The following KLRG1 variants were observed in gnomAD, a reference collection of about 807,000 sequenced individuals.
The protein encoded by KLRG1 is killer cell lectin-like receptor subfamily G member 1.
Under a neutral mutation model 21.8 loss-of-function variants are expected in KLRG1, and 16 were observed. That is an observed-to-expected ratio of 0.73 (90% confidence interval 0.50 to 1.11). The LOEUF is 1.11. KLRG1 is among the 50% of genes most tolerant of loss of function. KLRG1 has a pLI of 0.00. For synonymous variants in KLRG1, 69 were observed against 75.9 expected, an observed-to-expected ratio of 0.91 and a Z score of 0.47; for missense variants, 173 against 218.3, an observed-to-expected ratio of 0.79 and a Z score of 1.31.
chr12:9,137,715 C>T, the KLRG1 span, among the ~76,000 whole-genome samples: 1 of 151,906 alleles, frequency 6.6e-6, no homozygotes, highest in Non-Finnish European at 1.5e-5. Flanking sequence ...GTTTTTGTTT[C>T]CAGACACAGG....
chr12:9,149,430 T>G, the KLRG1 span: 5 of 863,376 alleles, frequency 5.8e-6, no homozygotes, highest in African/African-American at 1.7e-5. Flanking sequence ...CACAGTTTTG[T>G]CTTGGTGTGA....
At chr12:9,128,061 C>A in the KLRG1 span, 10 of 217,598 alleles carry the variant, frequency 4.6e-5, no homozygotes, top group Non-Finnish European at 9.6e-5. Flanking sequence ...CTGCGCAGGG[C>A]GCCCGATGAG....
At chr12:9,163,684 T>G in the KLRG1 span, 1 of 1,613,820 alleles carries the variant, frequency 6.2e-7, no homozygotes, top group African/African-American at 1.3e-5. Flanking sequence ...CAACAGGGTT[T>G]TGATGACTGT....
At chr12:9,002,835 G>A (rs1347091807) in intron 3 of KLRG1, among the ~76,000 whole-genome samples, 1 of 151,482 alleles carries the variant, frequency 6.6e-6, no homozygotes, top group Non-Finnish European at 1.5e-5. Flanking sequence ...TCAAAGTGCT[G>A]GAAGTACAGA....
the KLRG1 span, among the ~76,000 whole-genome samples, chr12:9,025,052 A>G: frequency 6.6e-6 from 1 of 152,212 alleles, no homozygotes. Flanking sequence ...TTGTAAAGTA[A>G]CATAATGAGA....
chr12:8,958,302 A>AT (rs1427707908), intron 1 of KLRG1, among the ~76,000 whole-genome samples: 3 of 137,046 alleles, frequency 2.2e-5, no homozygotes, highest in Non-Finnish European at 5.0e-5. Context: ...TTGTTTGACT[A>AT]TTTTTCCTCT....
At chr12:8,974,640 T>C (rs1381266836) in intron 1 of KLRG1, among the ~76,000 whole-genome samples, 1 of 152,232 alleles carries the variant, frequency 6.6e-6, no homozygotes, top group African/African-American at 2.4e-5. Flanking sequence ...AAAAGAGTTT[T>C]TTCATTATGT....
At chr12:9,088,857 C>A in the KLRG1 span, among the ~76,000 whole-genome samples, 1 of 152,142 alleles carries the variant, frequency 6.6e-6, no homozygotes, top group African/African-American at 2.4e-5. Context: ...CTAAATTCAG[C>A]CGTCCATAGT....
chr12:9,006,719 A>T (rs180816629), intron 3 of KLRG1, among the ~76,000 whole-genome samples: 1,789 of 152,280 alleles, frequency 0.012, 18 homozygotes, highest in South Asian at 0.033. Flanking sequence ...GAGGATAATA[A>T]TAGTTGCCTA....
chr12:9,000,731 G>T (rs992763903), intron 3 of KLRG1, among the ~76,000 whole-genome samples: 1 of 152,144 alleles, frequency 6.6e-6, no homozygotes, highest in African/African-American at 2.4e-5. Flanking sequence ...CTATTATATG[G>T]ATATACTACA....
At chr12:9,026,271 G>A in the KLRG1 span, among the ~76,000 whole-genome samples, 1 of 152,144 alleles carries the variant, frequency 6.6e-6, no homozygotes. Context: ...GGGAATAATA[G>A]TGTAGGAGAT....
At chr12:9,148,763 A>C in the KLRG1 span, 1 of 504,220 alleles carries the variant, frequency 2.0e-6, no homozygotes, top group Non-Finnish European at 3.4e-6. Context: ...CCTTTGCACC[A>C]AAATTAAACA....
At chr12:8,950,957 C>T (rs768175038) in intron 1 of KLRG1, among the ~76,000 whole-genome samples, 4 of 151,934 alleles carry the variant, frequency 2.6e-5, no homozygotes, top group African/African-American at 9.7e-5. Context: ...GTATGCCATT[C>T]TGCATTTCTT....
chr12:9,111,086 C>T, the KLRG1 span, among the ~76,000 whole-genome samples: 1 of 151,988 alleles, frequency 6.6e-6, no homozygotes, highest in Admixed American at 6.6e-5. Flanking sequence ...GGACATATTT[C>T]ATTAATAAAT....
At chr12:9,116,553 CT>C in the KLRG1 span, among the ~76,000 whole-genome samples, 1 of 152,148 alleles carries the variant, frequency 6.6e-6, no homozygotes, top group Admixed American at 6.5e-5. Context: ...CCTATTGTGC[CT>C]AACAAACTTC....
At chr12:9,046,022 G>A in the KLRG1 span, among the ~76,000 whole-genome samples, 8 of 152,166 alleles carry the variant, frequency 5.3e-5, no homozygotes, top group Non-Finnish European at 1.2e-4. Flanking sequence ...ACAGACACTG[G>A]GGCCTGTGGG....
chr12:9,095,080 A>G, the KLRG1 span: 1 of 1,543,930 alleles, frequency 6.5e-7, no homozygotes. Context: ...CTTTAAGCCC[A>G]TGTCCTGCAA....
the KLRG1 span, chr12:9,157,656 C>T: frequency 2.1e-6 from 2 of 957,604 alleles, no homozygotes; most frequent in South Asian, 3.1e-5. Flanking sequence ...TCTGAGAAAT[C>T]CCTCATCATT....
chr12:9,127,926 G>A, the KLRG1 span: 1 of 345,220 alleles, frequency 2.9e-6, no homozygotes, highest in South Asian at 2.6e-5. Flanking sequence ...GATTCTTGGT[G>A]TCACCATTGA....
Sources: allele counts gnomAD v4.1 joint callset (sites outside exome capture counted in the v4.1 genomes callset), GRCh38; gene constraint gnomAD v4.1.1; transcripts MANE v1.5; gene names NCBI Gene and HGNC (gene_info 2026-07-23, HGNC 2026-07-21).